The following ALDH1L1 variants were observed in gnomAD, a reference collection of about 807,000 sequenced individuals.
The protein encoded by ALDH1L1 is aldehyde dehydrogenase 1 family member L1.
Under a neutral mutation model 101.1 loss-of-function variants are expected in ALDH1L1, and 68 were observed. That is an observed-to-expected ratio of 0.67 (90% CI 0.55 to 0.82). The LOEUF is 0.82. Among genes scored for constraint, ALDH1L1 ranks in the 40% least tolerant of loss-of-function variants. ALDH1L1 has a pLI of 0.00. For missense variants in ALDH1L1, 1,087 were observed against 1,172.7 expected (o/e 0.93, Z 1.07); for synonymous variants, 486 against 470.8 (o/e 1.03, Z -0.42).
intron 12 of ALDH1L1, among the ~76,000 whole-genome samples, chr3:126,134,315 T>C (rs902138132): frequency 6.6e-6 from 1 of 152,208 alleles, no homozygotes; most frequent in Non-Finnish European, 1.5e-5. Context: ...GAATCTGTTA[T>C]GATACAAGCC....
intron 12 of ALDH1L1, chr3:126,134,953 C>G (rs1046137096): frequency 2.0e-5 from 3 of 152,396 alleles, no homozygotes; most frequent in African/African-American, 7.2e-5. Context: ...CTCTTCCAGG[C>G]CTTCCTCTCA....
chr3:126,110,152 A>C (rs762372601), intron 19 of ALDH1L1, 43 bp from the exon 20 acceptor site: 24 of 1,607,130 alleles, frequency 1.5e-5, no homozygotes, highest in Middle Eastern at 3.3e-4. Context: ...GTGCTGCCAC[A>C]GTTTCTGACA....
Position 126,167,755 on chromosome 3 carries a change from T to C in ALDH1L1, c.-23-6753A>G, listed in dbSNP as rs189613460. On this transcript the variant is annotated intron_variant, in intron 1 of 22. Transcript: ENST00000393434. ...CACATGTCGGTATCATAAAGAGTAT[T>C]GCCCAACTAAACTTTGCTCCCACCT... Among the ~76,000 whole-genome samples, 74 of 152,244 alleles carry C rather than the reference T, an allele frequency of 4.9e-4. 1 individual carries two copies. Among genetic ancestry groups the C allele is most frequent in the African/African-American group, 1.7e-3 (72 of 41,558 alleles).
chr3:126,175,013 GAA>G, intron 1 of ALDH1L1, among the ~76,000 whole-genome samples: 1 of 151,878 alleles, frequency 6.6e-6, no homozygotes, highest in African/African-American at 2.4e-5. Context: ...TAACTAAGAA[GAA>G]AAAGAGAGAA....
At chr3:126,150,342 T>C (rs1256363261) in intron 8 of ALDH1L1, 64 bp downstream of exon 8, 2 of 1,528,220 alleles carry the variant, frequency 1.3e-6, no homozygotes, top group Admixed American at 4.0e-5. Flanking sequence ...GAGTGTGATT[T>C]GCAGAACACA....
chr3:126,142,257 T>C (rs1031796752), intron 9 of ALDH1L1, among the ~76,000 whole-genome samples: 1 of 152,196 alleles, frequency 6.6e-6, no homozygotes, highest in Non-Finnish European at 1.5e-5. Context: ...TGGTGAATTC[T>C]ACCAAACATT....
chr3:126,123,107 T>C (rs1291105321), intron 16 of ALDH1L1, among the ~76,000 whole-genome samples: 4 of 152,164 alleles, frequency 2.6e-5, no homozygotes, highest in Non-Finnish European at 5.9e-5. Flanking sequence ...TAAAAATATA[T>C]ATCATGTCAA....
At chr3:126,175,791 G>C (rs1384798533) in intron 1 of ALDH1L1, among the ~76,000 whole-genome samples, 1 of 152,122 alleles carries the variant, frequency 6.6e-6, no homozygotes, top group African/African-American at 2.4e-5. Context: ...ATAAGGCAAG[G>C]ATGTTCCCTT....
intron 16 of ALDH1L1, among the ~76,000 whole-genome samples, chr3:126,120,077 T>C (rs2080048804): frequency 6.6e-6 from 1 of 152,248 alleles, no homozygotes; most frequent in African/African-American, 2.4e-5. Context: ...GCAGTCAGTT[T>C]AAAAACCAAA....
chr3:126,183,945 A>T (rs1207551632), upstream of ALDH1L1, among the ~76,000 whole-genome samples: 10 of 152,184 alleles, frequency 6.6e-5, no homozygotes, highest in Non-Finnish European at 1.2e-4. Flanking sequence ...GGATGTAAGT[A>T]GTTTGTGGCC....
At chr3:126,164,861 T>C (rs2081134323) in intron 1 of ALDH1L1, among the ~76,000 whole-genome samples, 3 of 152,214 alleles carry the variant, frequency 2.0e-5, no homozygotes, top group African/African-American at 7.2e-5. Context: ...TAAGCGTTGT[T>C]TTCTCTATAG....
rs202198892 is a variant in ALDH1L1, at chr3:126,136,828, C to A, written c.1280G>T (p.Gly427Val). Reference sequence around the variant, plus strand: ...GCCCTCGGCATCCACGAACTCCCCCCCAATGAAGAGCTGGTGGGGCATGCG... The same window carrying A: ...GCCCTCGGCATCCACGAACTCCCCCACAATGAAGAGCTGGTGGGGCATGCG... Reference protein sequence around the residue: ...TVRMPHQLFIGGEFVDAEGAK... With the variant: ...TVRMPHQLFIVGEFVDAEGAK... The change falls in exon 11 of 23, where the codon GGG (glycine) becomes GTG (valine). Residue 427 changes from glycine to valine, a missense_variant. Physicochemically the swap from Gly to Val is moderately radical, Grantham distance 109. Around this residue, in one of 2 missense-constraint regions of ALDH1L1, gnomAD observed 645 missense variants for 637.0 expected, o/e 1.01. Coordinates refer to ENST00000393434, the MANE Select transcript of ALDH1L1 (RefSeq NM_012190.4). The A allele has an allele frequency of 1.2e-5, 20 of 1,610,420 alleles. No homozygotes were observed. Among genetic ancestry groups the A allele is most frequent in the Non-Finnish European group, 1.5e-5 (18 of 1,178,534 alleles).
At chr3:126,162,079 A>T (rs2081069510) in intron 1 of ALDH1L1, among the ~76,000 whole-genome samples, 2 of 152,166 alleles carry the variant, frequency 1.3e-5, no homozygotes, top group African/African-American at 4.8e-5. Context: ...GTATTTTGAT[A>T]TGTGGATGAC....
At chr3:126,136,739 G>T (rs763355466) in intron 11 of ALDH1L1, 25 bp downstream of exon 11, 1 of 1,556,534 alleles carries the variant, frequency 6.4e-7, no homozygotes, top group African/African-American at 1.4e-5. Flanking sequence ...GGAATGTGGA[G>T]AAGGGGTGCT....
chr3:126,168,555 C>A (rs963534002), intron 1 of ALDH1L1, among the ~76,000 whole-genome samples: 1 of 152,026 alleles, frequency 6.6e-6, no homozygotes, highest in African/African-American at 2.4e-5. Context: ...CAGAAAAAAA[C>A]TTAACGGTAA....
Position 126,137,909 on chromosome 3 carries a change from T to C in ALDH1L1, c.1128A>G (p.Glu376=). ...ELCDGLELEN[E]DVYMASTFGD... is the part of the protein sequence containing the mutation. ...CAAAGGTGGATGCCATGTACACATC[T>C]TCATTTTCTAACTCCAGGCCATCAC... Residue 376 remains glutamate, a synonymous_variant, in exon 10 of 23, where the codon GAA becomes GAG. Transcript: ENST00000393434. 1 of 1,614,176 alleles carries C rather than the reference T, an allele frequency of 6.2e-7. No individual in the cohort carries two copies. Among genetic ancestry groups the C allele is most frequent in the Non-Finnish European group, 8.5e-7 (1 of 1,180,018 alleles).
intron 17 of ALDH1L1, 76 bp downstream of exon 17, chr3:126,117,929 G>T: frequency 7.2e-7 from 1 of 1,392,090 alleles, no homozygotes; most frequent in Non-Finnish European, 1.0e-6. Flanking sequence ...GCAGGACACA[G>T]CTCCTGGGAC....
chr3:126,193,257 T>C (rs140997948), intron 1 of ALDH1L1, among the ~76,000 whole-genome samples: 1 of 152,330 alleles, frequency 6.6e-6, no homozygotes, highest in African/African-American at 2.4e-5. Context: ...ACTTTAGTCA[T>C]TGATGTCACT....
intron 9 of ALDH1L1, among the ~76,000 whole-genome samples, chr3:126,145,994 C>T (rs928965693): frequency 6.6e-6 from 1 of 152,112 alleles, no homozygotes; most frequent in Non-Finnish European, 1.5e-5. Flanking sequence ...ATATTTTTTA[C>T]AAAACAATTA....
Sources: gnomAD v4.1 joint callset for allele counts (sites outside exome capture counted in the v4.1 genomes callset) on GRCh38, gnomAD v4.1.1 for gene constraint, gnomAD v4.1.1 regional missense constraint, MANE v1.5 for transcripts, NCBI Gene and HGNC (gene_info 2026-07-23, HGNC 2026-07-21) for gene names.